VGLL4: variants seen among roughly 807,000 people sequenced by gnomAD.
VGLL4 encodes the protein transcription cofactor vestigial-like protein 4.
A neutral mutation model predicts 21.0 loss-of-function variants in VGLL4; 7 were observed. That is an observed-to-expected ratio of 0.33 (90% CI 0.19 to 0.63). VGLL4 has a LOEUF of 0.63. Among genes scored for constraint, VGLL4 ranks in the 20% least tolerant of loss-of-function variants. The pLI, the probability that VGLL4 is intolerant of heterozygous loss-of-function variation, is 0.78. For synonymous variants in VGLL4, 222 were observed against 173.2 expected (o/e 1.28, Z -2.21); for missense variants, 394 against 425.7 (o/e 0.93, Z 0.66).
At chr3:11,564,196 T>G (rs1015515414) in intron 3 of VGLL4, among the ~76,000 whole-genome samples, 2 of 152,236 alleles carry the variant, frequency 1.3e-5, no homozygotes, top group Admixed American at 1.3e-4. Context: ...TAAAAAGATT[T>G]GTTTCTACCA....
chr3:11,588,668 C>T (rs987558053), intron 2 of VGLL4, among the ~76,000 whole-genome samples: 1 of 152,232 alleles, frequency 6.6e-6, no homozygotes, highest in Non-Finnish European at 1.5e-5. Context: ...GATCCACAGG[C>T]AATGACAGGA....
intron 2 of VGLL4, among the ~76,000 whole-genome samples, chr3:11,692,556 G>A (rs1309267546): frequency 1.3e-5 from 2 of 152,208 alleles, no homozygotes; most frequent in African/African-American, 4.8e-5. Flanking sequence ...CCTAATGGGA[G>A]CTTAGGAACA....
At chr3:11,579,926 AC>A (rs2074178358) in intron 2 of VGLL4, among the ~76,000 whole-genome samples, 1 of 152,132 alleles carries the variant, frequency 6.6e-6, no homozygotes, top group Admixed American at 6.5e-5. Context: ...AGCCTCAGTC[AC>A]CCCAGATGAG....
intron 2 of VGLL4, among the ~76,000 whole-genome samples, chr3:11,651,811 A>G (rs943101565): frequency 6.6e-6 from 1 of 152,050 alleles, no homozygotes; most frequent in Non-Finnish European, 1.5e-5. Flanking sequence ...CTTTGTTGTT[A>G]CTTTCTTTTA....
intron 2 of VGLL4, among the ~76,000 whole-genome samples, chr3:11,694,577 G>C (rs2125396485): frequency 6.6e-6 from 1 of 151,826 alleles, no homozygotes; most frequent in Non-Finnish European, 1.5e-5. Context: ...AGCCAAGATT[G>C]TGCCACTGTA....
chr3:11,564,791 GC>G lies in VGLL4; in HGVS notation c.495+5del. 6.5e-7 allele frequency: 1 copy of G among 1,538,430 alleles called. No individual in the cohort carries two copies. Among genetic ancestry groups the G allele is most frequent in the East Asian group, 2.4e-5 (1 of 41,244 alleles). On this transcript the variant is annotated splice_donor_5th_base_variant and intron_variant, in intron 3 of 4. Coordinates refer to ENST00000430365, the MANE Select transcript of VGLL4 (RefSeq NM_001128219.3). ...CCCCACGCCACCCTCCCAGACAGAG[GC>G]CCACCTGCTGCCGCTCCCCCGGGGT...
chr3:11,707,013 T>C (rs1207177588), intron 1 of VGLL4, among the ~76,000 whole-genome samples: 2 of 152,128 alleles, frequency 1.3e-5, no homozygotes, highest in Non-Finnish European at 2.9e-5. Context: ...GTTCACACTA[T>C]TTTAGTTTAG....
At chr3:11,561,521 G>A (rs2073000215) in intron 3 of VGLL4, among the ~76,000 whole-genome samples, 1 of 152,156 alleles carries the variant, frequency 6.6e-6, no homozygotes, top group Non-Finnish European at 1.5e-5. Flanking sequence ...GAGCCCTCGT[G>A]GGACTGGCTC....
intron 1 of VGLL4, among the ~76,000 whole-genome samples, chr3:11,714,121 G>A (rs2076887043): frequency 6.6e-6 from 1 of 152,200 alleles, no homozygotes; most frequent in Admixed American, 6.5e-5. Context: ...AGTTGATCAT[G>A]TACCCGGTGA....
chr3:11,649,793 G>A (rs940479838), intron 2 of VGLL4, among the ~76,000 whole-genome samples: 1 of 152,166 alleles, frequency 6.6e-6, no homozygotes, highest in African/African-American at 2.4e-5. Flanking sequence ...TATGTCATAT[G>A]TCAGTACCAA....
At chr3:11,664,709 C>T (rs770336182) in intron 2 of VGLL4, among the ~76,000 whole-genome samples, 10 of 152,086 alleles carry the variant, frequency 6.6e-5, no homozygotes, top group Non-Finnish European at 1.5e-5. Flanking sequence ...TTCCGGAAGT[C>T]CTACACTTAG....
At chr3:11,683,119 C>T (rs1039397790) in intron 2 of VGLL4, among the ~76,000 whole-genome samples, 2 of 151,822 alleles carry the variant, frequency 1.3e-5, no homozygotes, top group Admixed American at 6.6e-5. Context: ...CCCAGCTACT[C>T]GGGAGGCTGA....
intron 1 of VGLL4, among the ~76,000 whole-genome samples, chr3:11,625,938 G>C (rs1382428416): frequency 6.6e-6 from 1 of 152,150 alleles, no homozygotes; most frequent in African/African-American, 2.4e-5. Context: ...TCTTCCGGGA[G>C]TGATGAAAAT....
At chr3:11,603,713 T>TG (rs1364268089) in intron 1 of VGLL4, among the ~76,000 whole-genome samples, 1 of 152,138 alleles carries the variant, frequency 6.6e-6, no homozygotes, top group East Asian at 1.9e-4. Flanking sequence ...TCAACACCCC[T>TG]GGCAGGATGC....
chr3:11,713,789 G>C (rs1233471531), intron 1 of VGLL4, among the ~76,000 whole-genome samples: 1 of 151,764 alleles, frequency 6.6e-6, no homozygotes, highest in Non-Finnish European at 1.5e-5. Context: ...GGTAACCTTA[G>C]GTGCCTCCAC....
At chr3:11,589,786 G>C (rs1292580798) in intron 2 of VGLL4, among the ~76,000 whole-genome samples, 1 of 152,154 alleles carries the variant, frequency 6.6e-6, no homozygotes, top group Non-Finnish European at 1.5e-5. Context: ...GTCCTTATGT[G>C]GTGGGGAGAA....
intron 2 of VGLL4, among the ~76,000 whole-genome samples, chr3:11,592,054 A>G (rs900919058): frequency 6.6e-6 from 1 of 152,270 alleles, no homozygotes; most frequent in African/African-American, 2.4e-5. Context: ...ATAGAATTTC[A>G]GCACTGACCC....
At chr3:11,717,998 C>T (rs1396967572) in intron 1 of VGLL4, among the ~76,000 whole-genome samples, 1 of 151,652 alleles carries the variant, frequency 6.6e-6, no homozygotes, top group Non-Finnish European at 1.5e-5. Context: ...GCTGTTTTTA[C>T]TACAACATTC....
Position 11,601,865 on chromosome 3 carries a change from G to A in VGLL4, c.240C>T (p.Val80=). 1.2e-6 allele frequency: 2 copies of A among 1,613,918 alleles called. No homozygotes were observed. The highest frequency in any genetic ancestry group is 1.7e-6 in the Non-Finnish European group (2 of 1,179,920). The change falls in exon 2 of 5, where the codon GTC becomes GTT. Residue 80 remains valine (V), a synonymous_variant. Coordinates refer to ENST00000430365, the MANE Select transcript of VGLL4 (RefSeq NM_001128219.3). ...GGTTGAAGATGCGACTCATTTTGGA[G>A]ACGTGGTCGTTGTCACAGTCTAGGT... ...DEDLDCDNDH[V]SKMSRIFNPH...
Sources: allele counts gnomAD v4.1 joint callset (sites outside exome capture counted in the v4.1 genomes callset), GRCh38; gene constraint gnomAD v4.1.1; transcripts MANE v1.5; gene names NCBI Gene and HGNC (gene_info 2026-07-23, HGNC 2026-07-21).